MYO16: variants seen among roughly 807,000 people sequenced by gnomAD.
The protein encoded by MYO16 is myosin XVI.
Under a neutral mutation model 205.3 loss-of-function variants are expected in MYO16, and 94 were observed. The ratio of observed to expected loss-of-function variants is 0.46; its 90% confidence interval spans 0.39 to 0.54. MYO16 has a LOEUF of 0.54. Ranked by LOEUF, MYO16 falls within the 20% of genes least tolerant of loss-of-function variation. MYO16 has a pLI of 0.00. For synonymous variants in MYO16, 988 were observed against 954.0 expected (o/e 1.04, Z -0.66); for missense variants, 2,315 against 2,387.5 (o/e 0.97, Z 0.63).
intron 2 of MYO16, among the ~76,000 whole-genome samples, chr13:108,699,090 C>A (rs1050923752): frequency 1.4e-4 from 20 of 141,596 alleles, no homozygotes; most frequent in Admixed American, 5.0e-4. Flanking sequence ...CTCTCTCTCT[C>A]TCTCTCTATA....
At chr13:108,594,684 C>T (rs191305404), upstream of MYO16, among the ~76,000 whole-genome samples, 1 of 152,340 alleles carries the variant, frequency 6.6e-6, no homozygotes, top group African/African-American at 2.4e-5. Flanking sequence ...TATGCAGGGA[C>T]ACTTCTTTGC....
chr13:108,813,608 T>C (rs1470365104), intron 7 of MYO16, among the ~76,000 whole-genome samples: 1 of 152,150 alleles, frequency 6.6e-6, no homozygotes, highest in Non-Finnish European at 1.5e-5. Flanking sequence ...AAAGTCTATA[T>C]CCAGTAACTA....
chr13:109,021,018 T>C (rs1040144066), intron 23 of MYO16, among the ~76,000 whole-genome samples: 2 of 152,124 alleles, frequency 1.3e-5, no homozygotes, highest in Non-Finnish European at 2.9e-5. Context: ...AAGGAAGCAA[T>C]GCGTGGCTTA....
intron 27 of MYO16, among the ~76,000 whole-genome samples, chr13:109,072,574 A>AAC (rs66755145): frequency 0.29 from 43,756 of 149,048 alleles, 6,269 homozygotes; most frequent in Admixed American, 0.36. Context: ...TGTGGCATTA[A>AAC]ACACACACAC....
upstream of MYO16, among the ~76,000 whole-genome samples, chr13:108,625,613 C>T (rs189687827): frequency 3.3e-5 from 5 of 152,140 alleles, no homozygotes; most frequent in Non-Finnish European, 2.9e-5. Flanking sequence ...GTGTGAGACA[C>T]CTGTGGCTCA....
At chr13:108,955,004 C>T (rs745516808) in intron 16 of MYO16, among the ~76,000 whole-genome samples, 7 of 152,200 alleles carry the variant, frequency 4.6e-5, no homozygotes, top group Non-Finnish European at 8.8e-5. Context: ...CTGCTCTCTG[C>T]TCCGCAGCTG....
intron 7 of MYO16, among the ~76,000 whole-genome samples, chr13:108,808,478 A>G (rs533638089): frequency 6.6e-6 from 1 of 151,532 alleles, no homozygotes; most frequent in South Asian, 2.1e-4. Flanking sequence ...CGCCTGGCTA[A>G]TTTTTTCTAT....
intron 20 of MYO16, among the ~76,000 whole-genome samples, chr13:108,986,622 CAAAAAAAAAAAA>C (rs11350100): frequency 5.5e-4 from 38 of 69,538 alleles, no homozygotes; most frequent in Non-Finnish European, 8.8e-4. Context: ...AACTCCGTCT[CAAAAAAAAAAAA>C]AAAAAAAAAA....
chr13:109,190,109 T>A (rs1879850043), intron 34 of MYO16, among the ~76,000 whole-genome samples: 1 of 152,206 alleles, frequency 6.6e-6, no homozygotes, highest in Non-Finnish European at 1.5e-5. Context: ...GTACTTTTGT[T>A]GTTCTGTTTA....
chr13:108,565,811 G>A, the MYO16 span, among the ~76,000 whole-genome samples: 36 of 152,226 alleles, frequency 2.4e-4, no homozygotes, highest in African/African-American at 8.2e-4. Context: ...TATTAGCTGT[G>A]GGTCTGTCAT....
At chr13:108,759,510 G>A (rs997691550) in intron 4 of MYO16, among the ~76,000 whole-genome samples, 2 of 152,118 alleles carry the variant, frequency 1.3e-5, no homozygotes, top group African/African-American at 2.4e-5. Flanking sequence ...AAGAAATGAG[G>A]TGAACAAAGT....
intron 10 of MYO16, among the ~76,000 whole-genome samples, chr13:108,853,596 AT>A (rs35080410): frequency 0.31 from 40,452 of 129,924 alleles, 5,810 homozygotes; most frequent in Non-Finnish European, 0.36. Flanking sequence ...TGAGATCTAG[AT>A]TTTTTTTTTT....
At position 109,055,286 on chromosome 13, in the gene MYO16, A is replaced by G. The variant is rs1041590503; in HGVS notation, c.3130-104A>G. 1.9e-6 allele frequency: 2 copies of G among 1,031,554 alleles called. No individual in the cohort carries two copies. Among genetic ancestry groups the G allele is most frequent in the Non-Finnish European group, 2.8e-6 (2 of 702,638 alleles). 63.9% of individuals were successfully genotyped at this position (1,031,554 alleles called of 1,614,324 possible). ...ACACACACACACACAGAGTAAATGC[A>G]TAATGAGATTTAAAGACGTAAAGAC... On this transcript the variant is annotated intron_variant, in intron 26 of 34. Transcript: ENST00000457511. This position sits in a 1 kb window ranked among gnomAD's most constrained non-coding sequence, Gnocchi z 5.0.
intron 10 of MYO16, among the ~76,000 whole-genome samples, chr13:108,854,292 C>A (rs1878055992): frequency 1.3e-5 from 2 of 152,010 alleles, no homozygotes; most frequent in South Asian, 4.2e-4. Context: ...ACCACACCGG[C>A]CTGTGTTTCT....
At chr13:108,603,191 G>A (rs1878828660) in intron 1 of MYO16, among the ~76,000 whole-genome samples, 2 of 152,172 alleles carry the variant, frequency 1.3e-5, no homozygotes. Context: ...TGTCATGATT[G>A]TGTTGGAGAT....
At chr13:108,867,958 G>T (rs998706582) in intron 12 of MYO16, among the ~76,000 whole-genome samples, 7 of 152,154 alleles carry the variant, frequency 4.6e-5, no homozygotes, top group African/African-American at 1.7e-4. Context: ...ATTAGGGAAG[G>T]TAGATTCACC....
At chr13:109,200,858 G>T (rs1395307322) in intron 34 of MYO16, among the ~76,000 whole-genome samples, 1 of 151,962 alleles carries the variant, frequency 6.6e-6, no homozygotes, top group East Asian at 1.9e-4. Context: ...GTATATTTTG[G>T]TCACTATGAA....
intron 31 of MYO16, among the ~76,000 whole-genome samples, chr13:109,131,937 T>C (rs575905813): frequency 1.3e-5 from 2 of 152,312 alleles, no homozygotes; most frequent in East Asian, 3.9e-4. Context: ...AGCCCATGTA[T>C]GTCAAGTAGC....
intron 4 of MYO16, among the ~76,000 whole-genome samples, chr13:108,728,159 A>C (rs544237121): frequency 6.6e-6 from 1 of 152,232 alleles, no homozygotes; most frequent in Non-Finnish European, 1.5e-5. Flanking sequence ...CAATTTTTAG[A>C]AAACACACTG....
Sources: gnomAD v4.1 joint callset for allele counts (sites outside exome capture counted in the v4.1 genomes callset) on GRCh38, gnomAD v4.1.1 for gene constraint, Gnocchi (gnomAD v3.1) non-coding constraint, MANE v1.5 for transcripts, NCBI Gene and HGNC (gene_info 2026-07-23, HGNC 2026-07-21) for gene names.